BTRC: variants seen among roughly 807,000 people sequenced by gnomAD.
BTRC encodes F-box/WD repeat-containing protein 1A.
Under a neutral mutation model 85.5 loss-of-function variants are expected in BTRC, and 42 were observed. The ratio of observed to expected loss-of-function variants is 0.49; its 90% CI spans 0.38 to 0.64. BTRC has a LOEUF of 0.64. BTRC is among the 30% of genes least tolerant of loss of function. BTRC has a pLI of 0.00. For missense variants in BTRC, 594 were observed against 743.5 expected (o/e 0.80, Z 2.34); for synonymous variants, 255 against 263.3 (o/e 0.97, Z 0.30).
chr10:101,402,831 T>G (rs1314315865), intron 1 of BTRC, among the ~76,000 whole-genome samples: 1 of 152,226 alleles, frequency 6.6e-6, no homozygotes, highest in Non-Finnish European at 1.5e-5. Context: ...CCTTGAACAC[T>G]GCTGTGTGTA....
chr10:101,439,834 T>C (rs1944634241), intron 2 of BTRC, among the ~76,000 whole-genome samples: 1 of 152,220 alleles, frequency 6.6e-6, no homozygotes, highest in African/African-American at 2.4e-5. Context: ...ATTTCTGTTT[T>C]TGTGGAGGCA....
intron 13 of BTRC, among the ~76,000 whole-genome samples, chr10:101,543,452 ATGTTTTTTTT>A (rs1473509125): frequency 4.9e-5 from 7 of 143,876 alleles, no homozygotes; most frequent in Middle Eastern, 3.7e-3. Context: ...TAGTTGGGCC[ATGTTTTTTTT>A]TGTTTTTTTT....
chr10:101,422,188 T>G (rs1199870369), intron 1 of BTRC, among the ~76,000 whole-genome samples: 3 of 152,320 alleles, frequency 2.0e-5, no homozygotes, highest in Middle Eastern at 6.8e-3. Context: ...TGGTATCTCA[T>G]TGTGGTTTTG....
Position 101,534,919 on chromosome 10 carries a change from G to A in BTRC, c.1347+9G>A, listed in dbSNP as rs368182072. 3.1e-6 allele frequency: 5 copies of A among 1,605,622 alleles called. No homozygotes were observed. Among genetic ancestry groups the A allele is most frequent in the East Asian group, 2.2e-5 (1 of 44,684 alleles). ...GGGATAGAACTATAAAGGTAATAAGGCATTTTTCAGTAAGTTTCCAACTTA... is the reference window on the plus strand; with the variant it reads ...GGGATAGAACTATAAAGGTAATAAGACATTTTTCAGTAAGTTTCCAACTTA... On this transcript the variant is annotated intron_variant, in intron 10 of 14. Coordinates refer to ENST00000370187, the MANE Select transcript of BTRC (RefSeq NM_033637.4).
chr10:101,480,934 T>C (rs1945816587), intron 4 of BTRC, among the ~76,000 whole-genome samples: 1 of 152,218 alleles, frequency 6.6e-6, no homozygotes, highest in Non-Finnish European at 1.5e-5. Context: ...ATTTTATTTT[T>C]AGAGACAGAG....
chr10:101,446,198 G>C (rs1944822719), intron 2 of BTRC, among the ~76,000 whole-genome samples: 1 of 141,094 alleles, frequency 7.1e-6, no homozygotes, highest in Non-Finnish European at 1.5e-5. Context: ...TAAGAGATCA[G>C]GATAGCCAGT....
intron 1 of BTRC, among the ~76,000 whole-genome samples, chr10:101,392,155 T>C (rs760097135): frequency 6.6e-6 from 1 of 152,202 alleles, no homozygotes. Flanking sequence ...AATTTTTGTA[T>C]TTTTGATAGC....
chr10:101,413,791 AT>A (rs1333643555), intron 1 of BTRC, among the ~76,000 whole-genome samples: 2 of 152,192 alleles, frequency 1.3e-5, no homozygotes, highest in African/African-American at 4.8e-5. Context: ...AACCAATCTA[AT>A]GAATTCTTAA....
intron 13 of BTRC, among the ~76,000 whole-genome samples, chr10:101,546,020 T>C (rs1192742101): frequency 6.6e-6 from 1 of 152,236 alleles, no homozygotes; most frequent in Non-Finnish European, 1.5e-5. Context: ...CATCCACTGT[T>C]ATAGTTGGAG....
Position 101,536,629 on chromosome 10 carries a change from G to T in BTRC, c.1553G>T (p.Arg518Met), listed in dbSNP as rs745650332. The T allele has an allele frequency of 6.2e-7, 1 of 1,613,336 alleles. No individual in the cohort carries two copies. Among genetic ancestry groups the T allele is most frequent in the African/African-American group, 1.3e-5 (1 of 74,912 alleles). ...LVRCIRFDNK[R>M]IVSGAYDGKI... ...CGTTGTATTCGATTTGATAACAAGA[G>T]GATAGTCAGTGGGGCCTATGATGGG... The change falls in exon 12 of 15, where the codon AGG (arginine) becomes ATG (methionine). Residue 518 changes from arginine to methionine, a missense_variant. Arg to Met is a moderately conservative substitution (Grantham distance 91). Around this residue, in one of 4 missense-constraint regions of BTRC, gnomAD observed 373 missense variants for 503.6 expected, o/e 0.74. Coordinates refer to ENST00000370187, the MANE Select transcript of BTRC (RefSeq NM_033637.4).
intron 13 of BTRC, among the ~76,000 whole-genome samples, chr10:101,544,224 T>A (rs1190431608): frequency 1.3e-5 from 2 of 152,180 alleles, no homozygotes; most frequent in African/African-American, 4.8e-5. Flanking sequence ...AAGAAATTTT[T>A]TAATGGAAAA....
At chr10:101,533,796 T>C (rs2062337790) in intron 9 of BTRC, among the ~76,000 whole-genome samples, 3 of 152,200 alleles carry the variant, frequency 2.0e-5, no homozygotes, top group Admixed American at 2.0e-4. Flanking sequence ...CCTCTGTGAA[T>C]AGAAAAGACG....
At chr10:101,440,892 C>T (rs1944662526) in intron 2 of BTRC, among the ~76,000 whole-genome samples, 1 of 152,126 alleles carries the variant, frequency 6.6e-6, no homozygotes, top group Non-Finnish European at 1.5e-5. Flanking sequence ...AAATATAAGT[C>T]CTGCTCCTTT....
At chr10:101,379,274 T>C (rs184759038) in intron 1 of BTRC, among the ~76,000 whole-genome samples, 1 of 152,352 alleles carries the variant, frequency 6.6e-6, no homozygotes, top group African/African-American at 2.4e-5. Flanking sequence ...ACCTGACACA[T>C]ATGCACCTCA....
chr10:101,374,396 C>T (rs1343231957), intron 1 of BTRC, among the ~76,000 whole-genome samples: 2 of 151,194 alleles, frequency 1.3e-5, no homozygotes, highest in East Asian at 1.9e-4. Flanking sequence ...TGTCCAACAA[C>T]GATAGACTGG....
At chr10:101,526,893 T>C (rs2062200346) in intron 6 of BTRC, among the ~76,000 whole-genome samples, 1 of 152,216 alleles carries the variant, frequency 6.6e-6, no homozygotes, top group African/African-American at 2.4e-5. Flanking sequence ...TCTGACTTAA[T>C]TCCGAATTCC....
chr10:101,552,328 C>A (rs1157206956), intron 14 of BTRC, among the ~76,000 whole-genome samples: 1 of 150,632 alleles, frequency 6.6e-6, no homozygotes, highest in Non-Finnish European at 1.5e-5. Context: ...ACCGCGGGCA[C>A]ACAACACCAT....
chr10:101,415,611 G>T (rs1020673304), intron 1 of BTRC, among the ~76,000 whole-genome samples: 32 of 148,998 alleles, frequency 2.1e-4, no homozygotes, highest in Middle Eastern at 3.4e-3. Flanking sequence ...GCGTGATCTC[G>T]GCTCACTGCA....
At chr10:101,480,599 A>G (rs1589527765) in intron 4 of BTRC, among the ~76,000 whole-genome samples, 1 of 152,138 alleles carries the variant, frequency 6.6e-6, no homozygotes, top group Non-Finnish European at 1.5e-5. Context: ...GTCTGCCTTC[A>G]TGAATTTTGG....
Sources: allele counts gnomAD v4.1 joint callset (sites outside exome capture counted in the v4.1 genomes callset), GRCh38; gene constraint gnomAD v4.1.1; regional missense constraint gnomAD v4.1.1; transcripts MANE v1.5; gene names NCBI Gene and HGNC (gene_info 2026-07-23, HGNC 2026-07-21).